The following UBE2E2 variants were observed in gnomAD, a reference collection of about 807,000 sequenced individuals.
UBE2E2 encodes ubiquitin conjugating enzyme E2 E2, also known as ubiquitin-conjugating enzyme E2 E2.
A neutral mutation model predicts 24.7 loss-of-function variants in UBE2E2; 6 were observed. The ratio of observed to expected loss-of-function variants is 0.24; its 90% CI spans 0.13 to 0.48. The LOEUF (loss-of-function observed/expected upper bound fraction) is 0.48, where lower values mean the gene tolerates loss of function less well. Ranked by LOEUF, UBE2E2 falls within the 20% of genes least tolerant of loss-of-function variation. UBE2E2 has a pLI of 0.99. For missense variants in UBE2E2, 169 were observed against 245.0 expected, an observed-to-expected ratio of 0.69 and a Z score of 2.07; for synonymous variants, 104 against 83.6, an observed-to-expected ratio of 1.24 and a Z score of -1.33.
intron 3 of UBE2E2, among the ~76,000 whole-genome samples, chr3:23,246,557 A>AT (rs997839911): frequency 1.3e-5 from 2 of 151,476 alleles, no homozygotes; most frequent in African/African-American, 4.9e-5. Context: ...TTTTTTTAAA[A>AT]TTTTTTGTAG....
intron 5 of UBE2E2, among the ~76,000 whole-genome samples, chr3:23,557,374 T>C (rs1695816376): frequency 6.6e-6 from 1 of 152,196 alleles, no homozygotes; most frequent in African/African-American, 2.4e-5. Context: ...ATTTTCCAGC[T>C]TGTTTATTCC....
At chr3:23,459,099 A>G (rs1433356213) in intron 3 of UBE2E2, among the ~76,000 whole-genome samples, 1 of 152,224 alleles carries the variant, frequency 6.6e-6, no homozygotes, top group Non-Finnish European at 1.5e-5. Context: ...GCCCATACAG[A>G]TTTAAACTAA....
intron 2 of UBE2E2, among the ~76,000 whole-genome samples, chr3:23,211,772 G>A (rs938039436): frequency 1.4e-4 from 21 of 152,196 alleles, no homozygotes; most frequent in Middle Eastern, 3.4e-3. Flanking sequence ...ATAACGGTAC[G>A]CTGTTCAGAA....
intron 3 of UBE2E2, among the ~76,000 whole-genome samples, chr3:23,270,102 C>G (rs1409844147): frequency 2.0e-5 from 3 of 151,636 alleles, no homozygotes; most frequent in Non-Finnish European, 4.4e-5. Context: ...AGGCAGGTCC[C>G]TGCCTCTGGG....
At chr3:23,368,408 C>T (rs1207858852) in intron 3 of UBE2E2, among the ~76,000 whole-genome samples, 1 of 152,080 alleles carries the variant, frequency 6.6e-6, no homozygotes, top group Non-Finnish European at 1.5e-5. Context: ...TCAGGAAATT[C>T]GTAGAGGCAA....
chr3:23,591,671 C>G lies in UBE2E2; in HGVS notation c.*1840C>G, dbSNP rs1433601388. The G allele has an allele frequency of 6.6e-6, 1 of 152,154 alleles. No individual in the cohort carries two copies. Among genetic ancestry groups the G allele is most frequent in the Non-Finnish European group, 1.5e-5 (1 of 68,044 alleles). The allele number at this position is 152,154 out of a possible 1,614,324, so 9.4% of individuals were successfully genotyped here. On this transcript the variant is annotated 3_prime_UTR_variant, in exon 6 of 6. Transcript: ENST00000396703. Reference sequence around the variant, plus strand: ...ACCACCATAGGCATGGGATTTGGCCCATGGGTTGTAGTTTGCCAATCCCTG... The same window carrying G: ...ACCACCATAGGCATGGGATTTGGCCGATGGGTTGTAGTTTGCCAATCCCTG...
chr3:23,364,785 A>G (rs910256733), intron 3 of UBE2E2, among the ~76,000 whole-genome samples: 1 of 152,210 alleles, frequency 6.6e-6, no homozygotes, highest in African/African-American at 2.4e-5. Context: ...GGCTAGCATC[A>G]TTATGATACC....
chr3:23,530,700 A>G (rs75956654), intron 4 of UBE2E2, among the ~76,000 whole-genome samples: 134 of 152,330 alleles, frequency 8.8e-4, no homozygotes, highest in African/African-American at 2.9e-3. Flanking sequence ...AAGTCCATGC[A>G]TTTACTGAAA....
intron 3 of UBE2E2, among the ~76,000 whole-genome samples, chr3:23,302,287 TATA>T (rs1283736298): frequency 6.6e-6 from 1 of 152,248 alleles, no homozygotes; most frequent in Admixed American, 6.5e-5. Context: ...TCAGAGACTA[TATA>T]ATATTTCCCT....
chr3:23,372,360 A>G (rs1696419149), intron 3 of UBE2E2, among the ~76,000 whole-genome samples: 1 of 152,140 alleles, frequency 6.6e-6, no homozygotes, highest in Admixed American at 6.5e-5. Context: ...ATACCACTGG[A>G]AGAAAAACTA....
chr3:23,492,604 C>A (rs1699521942), intron 3 of UBE2E2, among the ~76,000 whole-genome samples: 1 of 152,174 alleles, frequency 6.6e-6, no homozygotes, highest in Admixed American at 6.5e-5. Context: ...CTAGCTAATT[C>A]CATGAATACT....
intron 3 of UBE2E2, among the ~76,000 whole-genome samples, chr3:23,374,206 T>G (rs13098494): frequency 0.1 from 15,534 of 152,216 alleles, 927 homozygotes; most frequent in East Asian, 0.13. Flanking sequence ...CTCTTTTAAA[T>G]TAAAGAACCA....
At chr3:23,236,811 A>G (rs1391930715) in intron 3 of UBE2E2, among the ~76,000 whole-genome samples, 2 of 152,046 alleles carry the variant, frequency 1.3e-5, no homozygotes, top group Admixed American at 1.3e-4. Flanking sequence ...CTATCTCTTC[A>G]TGACTTCTGC....
chr3:23,490,719 G>A (rs1038726143), intron 3 of UBE2E2, among the ~76,000 whole-genome samples: 3 of 152,164 alleles, frequency 2.0e-5, no homozygotes, highest in African/African-American at 7.2e-5. Context: ...GGAAAAGGAA[G>A]TATTATGATG....
chr3:23,340,866 A>G (rs1256889862), intron 3 of UBE2E2, among the ~76,000 whole-genome samples: 3 of 152,176 alleles, frequency 2.0e-5, no homozygotes, highest in African/African-American at 4.8e-5. Context: ...CTTCTATTCA[A>G]GCAATATACT....
At chr3:23,300,938 G>T (rs1291008665) in intron 3 of UBE2E2, among the ~76,000 whole-genome samples, 1 of 152,032 alleles carries the variant, frequency 6.6e-6, no homozygotes, top group Non-Finnish European at 1.5e-5. Flanking sequence ...ACGTAGATTT[G>T]GTCTTTTCAC....
At position 23,269,426 on chromosome 3, in the gene UBE2E2, A is replaced by C. The variant is rs138816078; in HGVS notation, c.227+52114A>C. Reference sequence around the variant, plus strand: ...AAACTCCAAAGGCTTTTGGGGCTCTATTGCTCTTGGGGACACATTGAAATA... The same window carrying C: ...AAACTCCAAAGGCTTTTGGGGCTCTCTTGCTCTTGGGGACACATTGAAATA... On this transcript the variant is annotated intron_variant, in intron 3 of 5. Coordinates refer to ENST00000396703, the MANE Select transcript of UBE2E2 (RefSeq NM_152653.4). Among the ~76,000 whole-genome samples, 29 of 152,288 alleles carry C rather than the reference A, an allele frequency of 1.9e-4. 1 individual carries two copies. In the East Asian group the frequency reaches 5.6e-3, roughly 29 times the overall value.
At chr3:23,487,267 T>C (rs995248989) in intron 3 of UBE2E2, among the ~76,000 whole-genome samples, 3 of 151,926 alleles carry the variant, frequency 2.0e-5, no homozygotes, top group African/African-American at 4.8e-5. Context: ...GGCCAGGGAG[T>C]AGGAGCAGGC....
At chr3:23,307,016 T>C (rs762483778) in intron 3 of UBE2E2, among the ~76,000 whole-genome samples, 14 of 152,188 alleles carry the variant, frequency 9.2e-5, no homozygotes, top group Non-Finnish European at 1.6e-4. Context: ...AAAGATATTA[T>C]AGACTTTATA....
Sources: allele counts gnomAD v4.1 joint callset (sites outside exome capture counted in the v4.1 genomes callset), GRCh38; gene constraint gnomAD v4.1.1; transcripts MANE v1.5; gene names NCBI Gene and HGNC (gene_info 2026-07-23, HGNC 2026-07-21).